The following TGFB2 variants were observed in gnomAD, a reference collection of about 807,000 sequenced individuals.
The protein encoded by TGFB2 is transforming growth factor beta 2.
A neutral mutation model predicts 42.7 loss-of-function variants in TGFB2; 13 were observed. The observed-to-expected ratio is 0.30, with a 90% CI of 0.20 to 0.48. TGFB2 has a LOEUF of 0.48. TGFB2 is among the 20% of genes least tolerant of loss of function. TGFB2 has a pLI of 0.99. For missense variants in TGFB2, 390 were observed against 517.5 expected (o/e 0.75, Z 2.39); for synonymous variants, 193 against 193.6 (o/e 1.00, Z 0.03).
At chr1:218,352,506 ATG>A (rs1330713123) in intron 1 of TGFB2, among the ~76,000 whole-genome samples, 1 of 152,200 alleles carries the variant, frequency 6.6e-6, no homozygotes, top group Non-Finnish European at 1.5e-5. Context: ...ATTTAATAAT[ATG>A]TTAGGGGATT....
chr1:218,398,691 G>T (rs142739273), intron 1 of TGFB2, among the ~76,000 whole-genome samples: 3 of 152,048 alleles, frequency 2.0e-5, no homozygotes, highest in African/African-American at 7.2e-5. Context: ...GGGTTCAAGC[G>T]ATTCTCCTAT....
In TGFB2 at chr1:218,442,703, G is replaced by A. The variant is rs1484108430; in HGVS notation, c.*1341G>A. 2.0e-5 allele frequency: 3 copies of A among 151,582 alleles called. No individual in the cohort carries two copies. Among genetic ancestry groups the A allele is most frequent in the African/African-American group, 4.8e-5 (2 of 41,330 alleles). The allele number at this position is 151,582 out of a possible 1,614,324, so 9.4% of individuals were successfully genotyped here. On this transcript the variant is annotated 3_prime_UTR_variant, in exon 7 of 7. Coordinates refer to ENST00000366930, the MANE Select transcript of TGFB2 (RefSeq NM_003238.6). ...TTTGTTTCACAGAAAAGATGGGTTC[G>A]AGTTCAGTGGTCTTCATCTTCCAAG... is the stretch of plus-strand genomic sequence containing the variant.
intron 1 of TGFB2, among the ~76,000 whole-genome samples, chr1:218,402,373 A>T (rs1012406677): frequency 1.3e-5 from 2 of 152,224 alleles, no homozygotes; most frequent in Admixed American, 6.5e-5. Context: ...ACTGTACTTA[A>T]CTAGCAAGCT....
chr1:218,396,139 T>TGG (rs1658502107), intron 1 of TGFB2, among the ~76,000 whole-genome samples: 1 of 152,174 alleles, frequency 6.6e-6, no homozygotes, highest in Admixed American at 6.5e-5. Context: ...AAGTGCATTG[T>TGG]GGTTAGACCA....
intron 1 of TGFB2, among the ~76,000 whole-genome samples, chr1:218,348,631 C>G (rs571495546): frequency 6.6e-6 from 1 of 152,158 alleles, no homozygotes; most frequent in African/African-American, 2.4e-5. Context: ...CTGGTTATCC[C>G]CTTTGGGAAG....
intron 6 of TGFB2, 85 bp from the exon 7 acceptor site, chr1:218,441,119 A>G (rs1016530667): frequency 6.4e-5 from 87 of 1,352,658 alleles, no homozygotes; most frequent in Non-Finnish European, 8.3e-5. Flanking sequence ...TGTGACTGCT[A>G]ACAATGTGGA....
At chr1:218,357,646 AG>A (rs1657082273) in intron 1 of TGFB2, among the ~76,000 whole-genome samples, 1 of 152,202 alleles carries the variant, frequency 6.6e-6, no homozygotes, top group Non-Finnish European at 1.5e-5. Flanking sequence ...GAGGAACTTA[AG>A]GCAAATGGAA....
At chr1:218,379,111 A>C (rs1306190063) in intron 1 of TGFB2, among the ~76,000 whole-genome samples, 4 of 147,690 alleles carry the variant, frequency 2.7e-5, no homozygotes, top group Non-Finnish European at 6.0e-5. Flanking sequence ...AACACATGGT[A>C]CATTTTCTTT....
At chr1:218,435,167 A>G (rs1659931246) in intron 4 of TGFB2, among the ~76,000 whole-genome samples, 1 of 152,214 alleles carries the variant, frequency 6.6e-6, no homozygotes, top group African/African-American at 2.4e-5. Context: ...ATGCCAGGCC[A>G]GAGAATTGAT....
rs10482800 is a variant in TGFB2, at chr1:218,432,881, G to A, written c.511-1201G>A. ...GTACTGAGGAAAGGCAGCATACAGG[G>A]TTTCAGTAGGGATTTACTATAGTAG... On this transcript the variant is annotated intron_variant, in intron 2 of 6. Coordinates refer to ENST00000366930, the MANE Select transcript of TGFB2 (RefSeq NM_003238.6). Among the ~76,000 whole-genome samples the A allele has an allele frequency of 8.3e-4, 126 of 152,200 alleles. 1 individual carries two copies. In the East Asian group the frequency reaches 0.01, roughly 12 times the overall value.
At chr1:218,356,950 G>T (rs1657054911) in intron 1 of TGFB2, among the ~76,000 whole-genome samples, 2 of 152,210 alleles carry the variant, frequency 1.3e-5, no homozygotes, top group African/African-American at 4.8e-5. Context: ...AGTGGCTGGC[G>T]CCTGTAATCC....
chr1:218,392,748 C>T (rs1393740989), intron 1 of TGFB2, among the ~76,000 whole-genome samples: 1 of 152,198 alleles, frequency 6.6e-6, no homozygotes, highest in African/African-American at 2.4e-5. Context: ...GCTGTCTTTG[C>T]TTTTTACTTC....
intron 1 of TGFB2, among the ~76,000 whole-genome samples, chr1:218,398,740 A>G (rs993837289): frequency 6.6e-6 from 1 of 151,878 alleles, no homozygotes; most frequent in Non-Finnish European, 1.5e-5. Flanking sequence ...GACGCCTGCC[A>G]CCACGCCCAG....
chr1:218,399,861 A>G (rs1658655769), intron 1 of TGFB2, among the ~76,000 whole-genome samples: 1 of 152,152 alleles, frequency 6.6e-6, no homozygotes, highest in Non-Finnish European at 1.5e-5. Context: ...CGGTATGGGA[A>G]GGGAGGCAGG....
chr1:218,399,823 G>A (rs571980368), intron 1 of TGFB2, among the ~76,000 whole-genome samples: 12 of 152,134 alleles, frequency 7.9e-5, no homozygotes, highest in African/African-American at 2.9e-4. Context: ...TTCATGAAAG[G>A]CCCACTGACC....
rs5781033 is a variant in TGFB2 at position 218,414,227 on chromosome 1, G to GCACACA, written c.510+8917_510+8922dup. On this transcript the variant is annotated intron_variant, in intron 2 of 6. Coordinates refer to ENST00000366930, the MANE Select transcript of TGFB2 (RefSeq NM_003238.6). ...CTTTTTCCTAACCCTAAACACATGT[G>GCACACA]CACACACACACACACACACACACAC... 4.2e-3 allele frequency among the ~76,000 whole-genome samples: 616 copies of GCACACA among 145,872 alleles called. 3 individuals carry two copies. Among genetic ancestry groups the GCACACA allele is most frequent in the African/African-American group, 0.014 (539 of 39,252 alleles).
At chr1:218,357,413 C>T (rs994592932) in intron 1 of TGFB2, among the ~76,000 whole-genome samples, 1 of 152,114 alleles carries the variant, frequency 6.6e-6, no homozygotes, top group Non-Finnish European at 1.5e-5. Flanking sequence ...CCTGGGGCAA[C>T]CCAGTAACAC....
Position 218,437,329 on chromosome 1 carries a change from T to G in TGFB2, c.933-14T>G. 6 of 1,555,858 alleles carry G rather than the reference T, an allele frequency of 3.9e-6. No homozygotes were observed. Among genetic ancestry groups the G allele is most frequent in the Non-Finnish European group, 4.3e-6 (5 of 1,155,642 alleles). ...TTTAAAATCTCCATTGCTTTTTTTT[T>G]TTTTTTTTAACAGAAATGTGCAGGA... On this transcript the variant is annotated splice_polypyrimidine_tract_variant and intron_variant, in intron 5 of 6. Coordinates refer to ENST00000366930, the MANE Select transcript of TGFB2 (RefSeq NM_003238.6).
intron 2 of TGFB2, among the ~76,000 whole-genome samples, chr1:218,408,493 A>T (rs1658987390): frequency 6.6e-6 from 1 of 152,192 alleles, no homozygotes; most frequent in African/African-American, 2.4e-5. Context: ...GAAGAAGAAG[A>T]TTCTAGCAGA....
Sources: allele counts gnomAD v4.1 joint callset (sites outside exome capture counted in the v4.1 genomes callset), GRCh38; gene constraint gnomAD v4.1.1; transcripts MANE v1.5; gene names NCBI Gene and HGNC (gene_info 2026-07-23, HGNC 2026-07-21).